Variants in CREB5 observed in about 807,000 individuals in gnomAD.
The protein encoded by CREB5 is cyclic AMP-responsive element-binding protein 5.
CREB5 carries 19 observed loss-of-function variants against 57.1 expected under a neutral mutation model. The ratio of observed to expected loss-of-function variants is 0.33; its 90% CI spans 0.23 to 0.49. The LOEUF is 0.49. Among genes scored for constraint, CREB5 ranks in the 20% least tolerant of loss-of-function variants. The pLI is 0.99. For synonymous variants in CREB5, 238 were observed against 238.3 expected (o/e 1.00, Z 0.01); for missense variants, 579 against 671.6 (o/e 0.86, Z 1.52).
intron 1 of CREB5, among the ~76,000 whole-genome samples, chr7:28,388,508 C>G (rs1787154420): frequency 6.6e-6 from 1 of 152,188 alleles, no homozygotes. Flanking sequence ...CCGTAATGAG[C>G]TCAACTATTT....
At chr7:28,560,845 C>CGTGCGCGTGTGCGT in intron 4 of CREB5, among the ~76,000 whole-genome samples, 1 of 41,364 alleles carries the variant, frequency 2.4e-5, no homozygotes, top group South Asian at 7.9e-4. Flanking sequence ...TGTGTGTGTG[C>CGTGCGCGTGTGCGT]GCGTGTGTGT....
At chr7:28,794,738 G>GCACA (rs150983811) in intron 7 of CREB5, among the ~76,000 whole-genome samples, 151 of 149,306 alleles carry the variant, frequency 1.0e-3, no homozygotes, top group African/African-American at 3.4e-3. Flanking sequence ...GTGCATACCT[G>GCACA]CACACACACA....
chr7:28,494,887 T>A lies in CREB5; in HGVS notation c.76-19T>A. ...ATGGCTCCTCTTCTCCCCTCCCTTT[T>A]TTTTTATTCGTCCGACAGCGCTTCC... On this transcript the variant is annotated intron_variant, in intron 2 of 10. Coordinates refer to ENST00000357727, the MANE Select transcript of CREB5 (RefSeq NM_182898.4). The A allele has an allele frequency of 6.5e-7, 1 of 1,543,682 alleles. No individual in the cohort carries two copies. Among genetic ancestry groups the A allele is most frequent in the African/African-American group, 1.4e-5 (1 of 71,084 alleles).
chr7:28,674,897 T>A (rs1250039151), intron 5 of CREB5, among the ~76,000 whole-genome samples: 1 of 152,244 alleles, frequency 6.6e-6, no homozygotes, highest in East Asian at 1.9e-4. Flanking sequence ...AACTCTGTAG[T>A]GACTTGCAAT....
chr7:28,447,261 CT>C lies in CREB5; in HGVS notation c.3+34349del, dbSNP rs1281011463. ...AGTAAATGCTCAACAAATGGTAGTTCTTTTTCATAAGCTTTCTTTAAATAGT... is the reference window on the plus strand; with the variant it reads ...AGTAAATGCTCAACAAATGGTAGTTCTTTTCATAAGCTTTCTTTAAATAGT... On this transcript the variant is annotated intron_variant, in intron 1 of 10. Transcript: ENST00000357727. Among the ~76,000 whole-genome samples, 11 of 152,308 alleles carry C rather than the reference CT, an allele frequency of 7.2e-5. No homozygotes were observed. In the East Asian group the frequency reaches 2.1e-3, roughly 29 times the overall value.
intron 4 of CREB5, among the ~76,000 whole-genome samples, chr7:28,536,758 A>C (rs986046156): frequency 2.6e-5 from 4 of 152,216 alleles, no homozygotes; most frequent in African/African-American, 9.7e-5. Flanking sequence ...AGTATTGTCT[A>C]TAGTCACAAT....
chr7:28,599,754 G>GT (rs150609222), intron 5 of CREB5, among the ~76,000 whole-genome samples: 14,928 of 148,824 alleles, frequency 0.1, 870 homozygotes, highest in Non-Finnish European at 0.11. Context: ...GTTTTGTTTT[G>GT]TTTTTTTATT....
chr7:28,695,178 G>A (rs112372153), intron 5 of CREB5, among the ~76,000 whole-genome samples: 10 of 152,316 alleles, frequency 6.6e-5, no homozygotes, highest in African/African-American at 2.2e-4. Context: ...AGTGAGTCAT[G>A]ATGGCACCAT....
At chr7:28,475,523 A>G (rs1791034733) in intron 1 of CREB5, among the ~76,000 whole-genome samples, 1 of 152,156 alleles carries the variant, frequency 6.6e-6, no homozygotes, top group African/African-American at 2.4e-5. Flanking sequence ...TGTTAAGATT[A>G]AGAAAATGTA....
chr7:28,709,686 T>A (rs75793846), intron 5 of CREB5, among the ~76,000 whole-genome samples: 41 of 125,148 alleles, frequency 3.3e-4, no homozygotes, highest in Middle Eastern at 3.7e-3. Context: ...AGGCTTTTAT[T>A]AAAAAAAAAA....
chr7:28,778,667 A>T (rs1806798636), intron 7 of CREB5, among the ~76,000 whole-genome samples: 1 of 152,224 alleles, frequency 6.6e-6, no homozygotes, highest in Non-Finnish European at 1.5e-5. Context: ...GTGCTAGTAT[A>T]GTGCCAAAAA....
chr7:28,317,143 T>G (rs1047664588), intron 1 of CREB5, among the ~76,000 whole-genome samples: 2 of 151,924 alleles, frequency 1.3e-5, no homozygotes, highest in African/African-American at 4.8e-5. Flanking sequence ...ATTTTTTGCA[T>G]TCTGCTGCCC....
chr7:28,782,853 C>T (rs773652633), intron 7 of CREB5, among the ~76,000 whole-genome samples: 2 of 152,122 alleles, frequency 1.3e-5, no homozygotes, highest in Admixed American at 6.5e-5. Context: ...TTGTGCGGGG[C>T]GACAGTCCAG....
At chr7:28,648,475 C>T (rs1404232727) in intron 5 of CREB5, among the ~76,000 whole-genome samples, 1 of 152,084 alleles carries the variant, frequency 6.6e-6, no homozygotes, top group Non-Finnish European at 1.5e-5. Flanking sequence ...GTGGCTCACA[C>T]CTGTAATCCC....
intron 7 of CREB5, among the ~76,000 whole-genome samples, chr7:28,758,126 T>C (rs1805445303): frequency 2.6e-5 from 4 of 152,208 alleles, no homozygotes; most frequent in African/African-American, 9.7e-5. Context: ...GCAGCCATCA[T>C]TGTCTCTGTT....
At chr7:28,381,288 A>G (rs943197457) in intron 1 of CREB5, among the ~76,000 whole-genome samples, 1 of 152,218 alleles carries the variant, frequency 6.6e-6, no homozygotes, top group Non-Finnish European at 1.5e-5. Flanking sequence ...GAGCCCATGT[A>G]TATTGAGTGC....
intron 5 of CREB5, among the ~76,000 whole-genome samples, chr7:28,632,744 A>G (rs755872543): frequency 2.6e-5 from 4 of 152,254 alleles, no homozygotes; most frequent in Admixed American, 1.3e-4. Flanking sequence ...CTCGGCTCGA[A>G]GGTTAGCCAG....
At chr7:28,349,290 T>TC (rs761149378) in intron 1 of CREB5, among the ~76,000 whole-genome samples, 328 of 152,324 alleles carry the variant, frequency 2.2e-3, no homozygotes, top group Non-Finnish European at 3.5e-3. Flanking sequence ...TTCCAATTTT[T>TC]CCCTCTTAAT....
intron 5 of CREB5, among the ~76,000 whole-genome samples, chr7:28,609,897 TTG>T (rs1481652408): frequency 6.6e-6 from 1 of 152,130 alleles, no homozygotes; most frequent in Non-Finnish European, 1.5e-5. Context: ...AGGCCACAGA[TTG>T]TGTGAGTTAC....
Sources: gnomAD v4.1 joint callset for allele counts (sites outside exome capture counted in the v4.1 genomes callset) on GRCh38, gnomAD v4.1.1 for gene constraint, MANE v1.5 for transcripts, NCBI Gene and HGNC (gene_info 2026-07-23, HGNC 2026-07-21) for gene names.